The following BRINP1 variants were observed in gnomAD, a reference collection of about 807,000 sequenced individuals.
The protein encoded by BRINP1 is BMP/retinoic acid-inducible neural-specific protein 1.
In BRINP1, 17 loss-of-function variants were observed where a neutral mutation model predicts 72.9. The ratio of observed to expected loss-of-function variants is 0.23; its 90% CI spans 0.16 to 0.35. BRINP1 has a LOEUF of 0.35. BRINP1 is among the 10% of genes least tolerant of loss of function. The pLI, the probability that BRINP1 is intolerant of heterozygous loss-of-function variation, is 1.00. For missense variants in BRINP1, 850 were observed against 1,001.6 expected (o/e 0.85, Z 2.04); for synonymous variants, 418 against 378.5 (o/e 1.10, Z -1.21).
In BRINP1 at chr9:119,167,003, GT is replaced by G. The variant is rs1019738784; in HGVS notation, c.*80del. 6.3e-6 allele frequency: 9 copies of G among 1,418,392 alleles called. No homozygotes were observed. Among genetic ancestry groups the G allele is most frequent in the African/African-American group, 2.9e-5 (2 of 69,406 alleles). The allele number at this position is 1,418,392 out of a possible 1,614,324, so 87.9% of individuals were successfully genotyped here. ...AATTACATTTTACAAATTTTTGTGG[GT>G]TTTTTTGTTTTGTTTTGCTTCATTT... On this transcript the variant is annotated 3_prime_UTR_variant, in exon 8 of 8. Transcript: ENST00000265922. The surrounding 1 kb of genome is among the most constrained non-coding windows in gnomAD (Gnocchi z 4.3).
At chr9:119,333,289 T>C (rs1222567574) in intron 1 of BRINP1, among the ~76,000 whole-genome samples, 3 of 151,502 alleles carry the variant, frequency 2.0e-5, no homozygotes, top group Admixed American at 6.6e-5. Flanking sequence ...GGCAAAACCC[T>C]ATCTCTACCA....
intron 7 of BRINP1, among the ~76,000 whole-genome samples, chr9:119,187,523 C>T (rs549997236): frequency 1.3e-5 from 2 of 151,892 alleles, no homozygotes; most frequent in South Asian, 4.2e-4. Flanking sequence ...GAATTAAGCA[C>T]CTTACCCAAC....
chr9:119,366,447 T>C (rs1255952817), intron 1 of BRINP1, among the ~76,000 whole-genome samples: 1 of 151,452 alleles, frequency 6.6e-6, no homozygotes, highest in African/African-American at 2.4e-5. Flanking sequence ...CCTAAAGACA[T>C]TGGAGAAGGA....
intron 1 of BRINP1, among the ~76,000 whole-genome samples, chr9:119,350,862 T>C (rs1362098802): frequency 2.0e-5 from 3 of 152,082 alleles, no homozygotes; most frequent in African/African-American, 7.2e-5. Context: ...ATAGTAGATG[T>C]TCAACAAATG....
chr9:119,358,719 G>A (rs1263378482), intron 1 of BRINP1, among the ~76,000 whole-genome samples: 5 of 152,112 alleles, frequency 3.3e-5, no homozygotes, highest in African/African-American at 1.2e-4. Context: ...GAGAGAGAGA[G>A]GTTGGAATTT....
At chr9:119,302,521 T>C (rs979859910) in intron 2 of BRINP1, among the ~76,000 whole-genome samples, 2 of 152,074 alleles carry the variant, frequency 1.3e-5, no homozygotes, top group African/African-American at 4.8e-5. Flanking sequence ...AAAAAAATCA[T>C]TGAAACCTTA....
At chr9:119,320,537 G>A (rs1470471662) in intron 1 of BRINP1, among the ~76,000 whole-genome samples, 1 of 152,136 alleles carries the variant, frequency 6.6e-6, no homozygotes, top group African/African-American at 2.4e-5. Context: ...AGTGCGAAGT[G>A]CTCCGAACAA....
intron 2 of BRINP1, among the ~76,000 whole-genome samples, chr9:119,300,860 C>T (rs1243084468): frequency 1.3e-5 from 2 of 152,136 alleles, no homozygotes; most frequent in Non-Finnish European, 2.9e-5. Context: ...TTACCTACAC[C>T]TTCTTTCTTA....
chr9:119,345,676 C>T (rs1831442892), intron 1 of BRINP1, among the ~76,000 whole-genome samples: 1 of 152,112 alleles, frequency 6.6e-6, no homozygotes, highest in Non-Finnish European at 1.5e-5. Flanking sequence ...GTGACTCTTC[C>T]AAGTTTACTC....
At chr9:119,184,838 A>T (rs1341395421) in intron 7 of BRINP1, among the ~76,000 whole-genome samples, 1 of 152,076 alleles carries the variant, frequency 6.6e-6, no homozygotes, top group Non-Finnish European at 1.5e-5. Flanking sequence ...CACTTCCCAA[A>T]ATTTATACTG....
At chr9:119,220,964 G>A (rs987545164) in intron 5 of BRINP1, among the ~76,000 whole-genome samples, 13 of 151,998 alleles carry the variant, frequency 8.6e-5, no homozygotes, top group Non-Finnish European at 1.5e-5. Context: ...TTTTTGGTAA[G>A]CTTTATTTTG....
chr9:119,340,683 T>C (rs904267482), intron 1 of BRINP1, among the ~76,000 whole-genome samples: 3 of 152,136 alleles, frequency 2.0e-5, no homozygotes, highest in Admixed American at 6.6e-5. Context: ...TTTTACGTCA[T>C]TGAGTTGTTG....
chr9:119,312,095 G>A (rs1269003546), intron 2 of BRINP1, among the ~76,000 whole-genome samples: 1 of 152,180 alleles, frequency 6.6e-6, no homozygotes, highest in Non-Finnish European at 1.5e-5. Context: ...TGAATCTGTG[G>A]TTCCATTCAG....
At chr9:119,186,984 C>G (rs1439009517) in intron 7 of BRINP1, among the ~76,000 whole-genome samples, 1 of 152,024 alleles carries the variant, frequency 6.6e-6, no homozygotes, top group East Asian at 1.9e-4. Context: ...GTATCCTGCT[C>G]CCCAGAACCT....
intron 2 of BRINP1, among the ~76,000 whole-genome samples, chr9:119,255,879 C>T (rs953036878): frequency 4.1e-5 from 6 of 145,406 alleles, no homozygotes; most frequent in Admixed American, 2.8e-4. Flanking sequence ...CTCTTGAACC[C>T]GGGAGGCGGA....
intron 5 of BRINP1, among the ~76,000 whole-genome samples, chr9:119,233,335 G>C (rs1395202918): frequency 6.6e-6 from 1 of 151,548 alleles, no homozygotes; most frequent in African/African-American, 2.4e-5. Flanking sequence ...CTTCTTCATG[G>C]GAATCATGTT....
chr9:119,249,755 C>T (rs184274016), intron 2 of BRINP1, among the ~76,000 whole-genome samples: 72 of 148,998 alleles, frequency 4.8e-4, no homozygotes, highest in African/African-American at 1.7e-3. Flanking sequence ...TAGCTCAGTG[C>T]CTGTTACATG....
chr9:119,312,255 G>T (rs531599438), intron 2 of BRINP1, among the ~76,000 whole-genome samples: 1 of 152,230 alleles, frequency 6.6e-6, no homozygotes, highest in East Asian at 1.9e-4. Flanking sequence ...ACCTGAGAGA[G>T]TTTTTTGCAT....
At chr9:119,339,126 A>G (rs1831383269) in intron 1 of BRINP1, among the ~76,000 whole-genome samples, 1 of 152,188 alleles carries the variant, frequency 6.6e-6, no homozygotes, top group Non-Finnish European at 1.5e-5. Flanking sequence ...TAGGTTTTCT[A>G]TAAAAATCCA....
Sources: gnomAD v4.1 joint callset for allele counts (sites outside exome capture counted in the v4.1 genomes callset) on GRCh38, gnomAD v4.1.1 for gene constraint, Gnocchi (gnomAD v3.1) non-coding constraint, MANE v1.5 for transcripts, NCBI Gene and HGNC (gene_info 2026-07-23, HGNC 2026-07-21) for gene names.